NFXL1: variants seen among roughly 807,000 people sequenced by gnomAD.
NFXL1 encodes NF-X1-type zinc finger protein NFXL1.
NFXL1 carries 66 observed loss-of-function variants against 123.3 expected under a neutral mutation model. The observed-to-expected ratio is 0.54, with a 90% CI of 0.44 to 0.66. The LOEUF is 0.66. NFXL1 is among the 30% of genes least tolerant of loss of function. The pLI is 0.00. For synonymous variants in NFXL1, 346 were observed against 360.8 expected, an observed-to-expected ratio of 0.96 and a Z score of 0.46; for missense variants, 944 against 1,125.6, an observed-to-expected ratio of 0.84 and a Z score of 2.31.
chr4:47,873,723 C>A (rs928960704), intron 18 of NFXL1, among the ~76,000 whole-genome samples: 3 of 152,192 alleles, frequency 2.0e-5, no homozygotes, highest in Admixed American at 2.0e-4. Context: ...AATTTAAAGT[C>A]ACCAGCTGCA....
At chr4:47,865,509 T>C (rs1221926218) in intron 18 of NFXL1, among the ~76,000 whole-genome samples, 1 of 146,888 alleles carries the variant, frequency 6.8e-6, no homozygotes. Context: ...AAACAACTCC[T>C]GAGAGAGCTA....
chr4:47,849,055 T>C (rs1733972589), intron 22 of NFXL1, among the ~76,000 whole-genome samples: 1 of 152,182 alleles, frequency 6.6e-6, no homozygotes, highest in South Asian at 2.1e-4. Context: ...CTAGTGAGAA[T>C]GAAGATACCT....
At chr4:47,884,724 A>G (rs1262050967) in intron 14 of NFXL1, among the ~76,000 whole-genome samples, 1 of 152,200 alleles carries the variant, frequency 6.6e-6, no homozygotes. Context: ...GAGAAAAACA[A>G]TTGGAAACTC....
chr4:47,868,287 C>T (rs911781681), intron 18 of NFXL1, among the ~76,000 whole-genome samples: 3 of 150,958 alleles, frequency 2.0e-5, no homozygotes, highest in African/African-American at 7.3e-5. Flanking sequence ...CCATTGCACT[C>T]CAGCCTGGGT....
intron 18 of NFXL1, among the ~76,000 whole-genome samples, chr4:47,865,509 T>G (rs1221926218): frequency 6.8e-6 from 1 of 146,888 alleles, no homozygotes; most frequent in South Asian, 2.1e-4. Flanking sequence ...AAACAACTCC[T>G]GAGAGAGCTA....
intron 11 of NFXL1, among the ~76,000 whole-genome samples, chr4:47,893,685 G>C (rs1736910440): frequency 6.6e-6 from 1 of 151,098 alleles, no homozygotes; most frequent in South Asian, 2.1e-4. Context: ...GAATGTTAAA[G>C]GAAATCCTTC....
chr4:47,878,633 G>A lies in NFXL1; in HGVS notation c.1971C>T (p.Pro657=), dbSNP rs1423307275. Residue 657 remains proline (P), a synonymous_variant, in exon 17 of 23, where the codon CCC becomes CCT. Coordinates refer to ENST00000507489, the MANE Select transcript of NFXL1 (RefSeq NM_001278624.2). ...TTCCACAAACTCTTTTACAAGAGTAGGGTCCTACAGCATGGCATGGTAGTG... is the reference window on the plus strand; with the variant it reads ...TTCCACAAACTCTTTTACAAGAGTAAGGTCCTACAGCATGGCATGGTAGTG... The part of the protein sequence containing the change: ...VSPLPCHAVG[P]YSCKRVCGRI... The A allele has an allele frequency of 5.0e-6, 8 of 1,599,670 alleles. No individual in the cohort carries two copies. Among genetic ancestry groups the A allele is most frequent in the Middle Eastern group, 1.7e-4 (1 of 6,012 alleles).
intron 22 of NFXL1, among the ~76,000 whole-genome samples, chr4:47,850,149 C>G (rs1434102207): frequency 2.0e-5 from 3 of 151,996 alleles, no homozygotes. Flanking sequence ...ACATACTAAA[C>G]TATTCTTAAT....
At chr4:47,862,181 C>A (rs1175770853) in intron 19 of NFXL1, among the ~76,000 whole-genome samples, 1 of 152,138 alleles carries the variant, frequency 6.6e-6, no homozygotes, top group Non-Finnish European at 1.5e-5. Flanking sequence ...AGTTTCTTTA[C>A]CTTTTTACTT....
intron 19 of NFXL1, among the ~76,000 whole-genome samples, chr4:47,857,228 T>C (rs1369542666): frequency 6.6e-6 from 1 of 152,194 alleles, no homozygotes; most frequent in Non-Finnish European, 1.5e-5. Flanking sequence ...TTCTATGTTT[T>C]GCAAACATTT....
At chr4:47,907,731 T>A (rs1737626953) in intron 3 of NFXL1, among the ~76,000 whole-genome samples, 1 of 152,200 alleles carries the variant, frequency 6.6e-6, no homozygotes, top group African/African-American at 2.4e-5. Flanking sequence ...AGATTAAAAA[T>A]TAATAAAACT....
At chr4:47,858,285 C>CTTTT (rs747849340) in intron 19 of NFXL1, among the ~76,000 whole-genome samples, 8 of 152,172 alleles carry the variant, frequency 5.3e-5, no homozygotes, top group Non-Finnish European at 1.0e-4. Flanking sequence ...CTTTCTGATA[C>CTTTT]TTTTCAGTAA....
rs540408081 is a variant in NFXL1 at position 47,847,538 on chromosome 4, T to G, written c.*625A>C. 1 of 152,372 alleles carries G rather than the reference T, an allele frequency of 6.6e-6. No homozygotes were observed. Among genetic ancestry groups the G allele is most frequent in the South Asian group, 2.1e-4 (1 of 4,826 alleles). 9.4% of individuals were successfully genotyped at this position (152,372 alleles called of 1,614,324 possible). Reference sequence around the variant, plus strand: ...AAACATGCCAACTTCAGTTAAAAGCTTCTTACATAAGAAATAGCCACATGT... The same window carrying G: ...AAACATGCCAACTTCAGTTAAAAGCGTCTTACATAAGAAATAGCCACATGT... On this transcript the variant is annotated 3_prime_UTR_variant, in exon 23 of 23. Transcript: ENST00000507489.
Position 47,914,555 on chromosome 4 carries a change from G to C in NFXL1, c.-193C>G. 1 of 233,182 alleles carries C rather than the reference G, an allele frequency of 4.3e-6. No individual in the cohort carries two copies. Among genetic ancestry groups the C allele is most frequent in the Non-Finnish European group, 8.3e-6 (1 of 120,320 alleles). 14.4% of individuals were successfully genotyped at this position (233,182 alleles called of 1,614,324 possible). A position where few individuals can be genotyped will look rare whatever the true frequency, so the allele number is the denominator to read the frequency against. Reference sequence around the variant, plus strand: ...GGGAAGAGTCACAGACTGACCCTGCGTCTCCCGCCGGGAACCAACTGCAGT... The same window carrying C: ...GGGAAGAGTCACAGACTGACCCTGCCTCTCCCGCCGGGAACCAACTGCAGT... On this transcript the variant is annotated 5_prime_UTR_variant, in exon 1 of 23. Transcript: ENST00000507489.
intron 4 of NFXL1, among the ~76,000 whole-genome samples, chr4:47,904,440 C>A (rs1400977027): frequency 6.6e-6 from 1 of 152,188 alleles, no homozygotes. Context: ...GGGTTTCTAT[C>A]TGCATGCAGA....
At chr4:47,852,033 G>C in intron 20 of NFXL1, 91 bp from the exon 21 acceptor site, 2 of 750,552 alleles carry the variant, frequency 2.7e-6, no homozygotes, top group East Asian at 2.5e-5. Flanking sequence ...ATAGCTTAAG[G>C]TTATAAGTAT....
At chr4:47,897,023 G>A (rs913212549) in intron 9 of NFXL1, among the ~76,000 whole-genome samples, 1 of 152,120 alleles carries the variant, frequency 6.6e-6, no homozygotes, top group Non-Finnish European at 1.5e-5. Flanking sequence ...GAAAGGTTTA[G>A]TCTTTAAAAC....
intron 22 of NFXL1, 150 bp from the exon 23 acceptor site, chr4:47,848,486 C>T (rs752167320): frequency 6.9e-5 from 41 of 596,556 alleles, no homozygotes; most frequent in Non-Finnish European, 1.0e-4. Context: ...CTACTCTCCA[C>T]TACTGATTGT....
At chr4:47,893,253 C>T (rs996791952) in intron 11 of NFXL1, among the ~76,000 whole-genome samples, 3 of 150,944 alleles carry the variant, frequency 2.0e-5, no homozygotes, top group Non-Finnish European at 4.4e-5. Flanking sequence ...CAGAAGGTGA[C>T]GGGTAGGGGA....
Sources: gnomAD v4.1 joint callset for allele counts (sites outside exome capture counted in the v4.1 genomes callset) on GRCh38, gnomAD v4.1.1 for gene constraint, MANE v1.5 for transcripts, NCBI Gene and HGNC (gene_info 2026-07-23, HGNC 2026-07-21) for gene names.